The following SORCS1 variants were observed in gnomAD, a reference collection of about 807,000 sequenced individuals.
SORCS1 encodes the protein VPS10 domain-containing receptor SorCS1.
SORCS1 carries 60 observed loss-of-function variants against 146.1 expected under a neutral mutation model. That is an observed-to-expected ratio of 0.41 (90% CI 0.33 to 0.51). The LOEUF is 0.51. Among genes scored for constraint, SORCS1 ranks in the 20% least tolerant of loss-of-function variants. SORCS1 has a pLI of 0.21. For missense variants in SORCS1, 1,352 were observed against 1,487.6 expected, an observed-to-expected ratio of 0.91 and a Z score of 1.50; for synonymous variants, 637 against 584.0, an observed-to-expected ratio of 1.09 and a Z score of -1.31.
At chr10:107,005,983 G>A (rs1957427250) in intron 1 of SORCS1, among the ~76,000 whole-genome samples, 1 of 152,110 alleles carries the variant, frequency 6.6e-6, no homozygotes, top group South Asian at 2.1e-4. Context: ...GAGGACTGAG[G>A]TGTGTCATCT....
At chr10:106,639,815 C>T (rs1298062093) in intron 18 of SORCS1, among the ~76,000 whole-genome samples, 19 of 152,038 alleles carry the variant, frequency 1.2e-4, no homozygotes, top group African/African-American at 4.1e-4. Flanking sequence ...GTCAGGAGAT[C>T]GAGACCATCC....
intron 10 of SORCS1, among the ~76,000 whole-genome samples, chr10:106,684,343 A>C (rs112162890): frequency 0.014 from 2,060 of 152,242 alleles, 58 homozygotes; most frequent in African/African-American, 0.047. Context: ...GTCTCAAAAA[A>C]ACAGAAAAGA....
At chr10:107,112,396 A>C (rs1473565941) in intron 1 of SORCS1, among the ~76,000 whole-genome samples, 1 of 152,096 alleles carries the variant, frequency 6.6e-6, no homozygotes, top group African/African-American at 2.4e-5. Flanking sequence ...GTAGATACAC[A>C]AACCATAAAA....
chr10:107,028,396 A>C (rs1423719013), intron 1 of SORCS1, among the ~76,000 whole-genome samples: 1 of 152,224 alleles, frequency 6.6e-6, no homozygotes, highest in Admixed American at 6.5e-5. Context: ...CTATTTCTGT[A>C]ACCTTGCCAG....
At chr10:106,787,523 T>C (rs1400559528) in intron 3 of SORCS1, among the ~76,000 whole-genome samples, 1 of 152,218 alleles carries the variant, frequency 6.6e-6, no homozygotes, top group African/African-American at 2.4e-5. Flanking sequence ...GCTGCTGCTA[T>C]GCCAACCCTA....
intron 2 of SORCS1, among the ~76,000 whole-genome samples, chr10:106,903,155 C>CT (rs529631359): frequency 9.9e-4 from 150 of 152,278 alleles, no homozygotes; most frequent in African/African-American, 3.5e-3. Context: ...ATTCATCCTC[C>CT]AAATCTGGAG....
chr10:106,728,859 C>A (rs1279759795), intron 6 of SORCS1, among the ~76,000 whole-genome samples: 1 of 152,180 alleles, frequency 6.6e-6, no homozygotes, highest in East Asian at 1.9e-4. Context: ...CCTACAACAG[C>A]CTCATTGCTC....
At chr10:106,626,375 G>T (rs191335829) in intron 19 of SORCS1, among the ~76,000 whole-genome samples, 1 of 152,262 alleles carries the variant, frequency 6.6e-6, no homozygotes, top group African/African-American at 2.4e-5. Context: ...GAAAATCAAG[G>T]CTCAGAGAGA....
intron 2 of SORCS1, among the ~76,000 whole-genome samples, chr10:106,849,815 T>G (rs925534403): frequency 2.6e-4 from 40 of 151,720 alleles, no homozygotes; most frequent in Non-Finnish European, 4.7e-4. Context: ...GACAGGACCC[T>G]CAGCTGCAGG....
chr10:106,595,253 C>T (rs1845837824), intron 24 of SORCS1, among the ~76,000 whole-genome samples: 5 of 152,134 alleles, frequency 3.3e-5, no homozygotes, highest in Admixed American at 2.6e-4. Context: ...AGACTCTGTC[C>T]CCTATGTTGA....
intron 2 of SORCS1, among the ~76,000 whole-genome samples, chr10:106,868,850 C>T (rs1950310118): frequency 6.6e-6 from 1 of 151,998 alleles, no homozygotes; most frequent in African/African-American, 2.4e-5. Context: ...CAGAGCTGAA[C>T]TAAAGAAAAT....
intron 1 of SORCS1, among the ~76,000 whole-genome samples, chr10:106,988,841 T>A (rs1956608588): frequency 6.6e-6 from 1 of 152,132 alleles, no homozygotes; most frequent in Admixed American, 6.5e-5. Flanking sequence ...TCCCATCACT[T>A]AAAACTATAG....
chr10:106,937,975 A>G (rs1392174281), intron 2 of SORCS1, among the ~76,000 whole-genome samples: 3 of 53,906 alleles, frequency 5.6e-5, no homozygotes, highest in African/African-American at 1.0e-4. Context: ...AAAAGAAGAA[A>G]AAAAAAAAAA....
At chr10:106,776,753 ACTT>A (rs1860464555) in intron 3 of SORCS1, 61 bp from the exon 4 acceptor site, 15 of 1,570,676 alleles carry the variant, frequency 9.6e-6, no homozygotes, top group Non-Finnish European at 1.3e-5. Context: ...AATTTGCAAA[ACTT>A]GAAAATTAGC....
intron 2 of SORCS1, among the ~76,000 whole-genome samples, chr10:106,889,888 T>TTAAAAAAAA (rs1554875507): frequency 2.0e-4 from 14 of 71,682 alleles, no homozygotes; most frequent in African/African-American, 6.7e-4. Context: ...ACGTCTCAAA[T>TTAAAAAAAA]AAAAAAAAAA....
In SORCS1 at chr10:107,003,883, G is replaced by C. The variant is rs376030665; in HGVS notation, c.559-47303C>G. Among the ~76,000 whole-genome samples the C allele has an allele frequency of 1.4e-4, 21 of 152,210 alleles. No homozygotes were observed. The East Asian group carries it at 4.1e-3, about 29-fold the overall frequency. ...AATCCACAACAAATCCCTTTTTAAA[G>C]CAGAGAATACGGCTGGGTGCGGTGG... On this transcript the variant is annotated intron_variant, in intron 1 of 25. Transcript: ENST00000263054.
intron 7 of SORCS1, among the ~76,000 whole-genome samples, chr10:106,708,552 A>C (rs2135827149): frequency 6.6e-6 from 1 of 152,336 alleles, no homozygotes; most frequent in South Asian, 2.1e-4. Context: ...TTGAATGCTG[A>C]AAAGCAGTGC....
chr10:107,098,459 T>G (rs1007305790), intron 1 of SORCS1, among the ~76,000 whole-genome samples: 13 of 152,192 alleles, frequency 8.5e-5, no homozygotes, highest in Admixed American at 5.9e-4. Context: ...TTTTGTTTTG[T>G]TTTGGTTTTT....
intron 6 of SORCS1, among the ~76,000 whole-genome samples, chr10:106,710,731 C>A (rs902827963): frequency 6.6e-6 from 1 of 152,166 alleles, no homozygotes; most frequent in Non-Finnish European, 1.5e-5. Flanking sequence ...CTCTCCACCA[C>A]CCACCATGCC....
Sources: gnomAD v4.1 joint callset for allele counts (sites outside exome capture counted in the v4.1 genomes callset) on GRCh38, gnomAD v4.1.1 for gene constraint, MANE v1.5 for transcripts, NCBI Gene and HGNC (gene_info 2026-07-23, HGNC 2026-07-21) for gene names.